Variants in TMC3 observed in about 807,000 individuals in gnomAD.
TMC3 encodes the protein transmembrane channel like 3.
In TMC3, 98 loss-of-function variants were observed where a neutral mutation model predicts 110.6. That is an observed-to-expected ratio of 0.89 (90% confidence interval 0.75 to 1.05). The LOEUF (loss-of-function observed/expected upper bound fraction) is 1.05, where lower values mean the gene tolerates loss of function less well. TMC3 is among the 50% of genes least tolerant of loss of function. The probability of loss-of-function intolerance (pLI) is 0.00; values close to 1 mark genes in which losing one functional copy is unlikely to be tolerated. For missense variants in TMC3, 1,319 were observed against 1,373.2 expected, an observed-to-expected ratio of 0.96 and a Z score of 0.62; for synonymous variants, 489 against 513.1, an observed-to-expected ratio of 0.95 and a Z score of 0.63.
chr15:81,372,456 CTT>C (rs1894458145), intron 2 of TMC3, 133 bp downstream of exon 2: 1 of 1,061,812 alleles, frequency 9.4e-7, no homozygotes, highest in Non-Finnish European at 1.4e-6. Flanking sequence ...ATCTTTGTGA[CTT>C]TGCTAATTCA....
rs201930890 is a variant in TMC3 at position 81,333,103 on chromosome 15, C to G, written c.2619G>C (p.Ser873=). Residue 873 remains serine (S), a synonymous_variant, in exon 22 of 22, where the codon TCG becomes TCC. Transcript: ENST00000359440. The part of the protein sequence containing the change: ...INPPHRGPQA[S]TLLAQGPRPH... ...GCCTGGGACCCTGTGCCAGCAAAGT[C>G]GAGGCCTGTGGTCCACGGTGAGGAG... The G allele has an allele frequency of 3.7e-6, 6 of 1,613,970 alleles. No individual in the cohort carries two copies. The Admixed American group carries it at 6.7e-5, about 18-fold the overall frequency.
chr15:81,337,661 G>C (rs1259449858), intron 19 of TMC3, 185 bp downstream of exon 19: 6 of 636,618 alleles, frequency 9.4e-6, no homozygotes, highest in Non-Finnish European at 1.7e-5. Flanking sequence ...GCAAAGGGGA[G>C]CCATCCCTGG....
Position 81,343,980 on chromosome 15 carries a change from G to T in TMC3, c.1584C>A (p.Phe528Leu), listed in dbSNP as rs755455324. Reference sequence around the variant, plus strand: ...AGTACCGCACGAAAAGTCCTCGGAAGAAGTCTATGAGCAGAATGCTCGCCA... The same window carrying T: ...AGTACCGCACGAAAAGTCCTCGGAATAAGTCTATGAGCAGAATGCTCGCCA... ...FTVASILLID[F>L]FRGLFVRYLS... is the part of the protein sequence containing the mutation. Residue 528 changes from phenylalanine to leucine, a missense_variant, in exon 14 of 22, where the codon TTC (phenylalanine) becomes TTA (leucine). Transcript: ENST00000359440. 6.2e-7 allele frequency: 1 copy of T among 1,613,398 alleles called. No individual in the cohort carries two copies. Among genetic ancestry groups the T allele is most frequent in the Non-Finnish European group, 8.5e-7 (1 of 1,179,568 alleles).
intron 10 of TMC3, among the ~76,000 whole-genome samples, chr15:81,350,774 T>C (rs1161453034): frequency 6.6e-6 from 1 of 152,218 alleles, no homozygotes; most frequent in African/African-American, 2.4e-5. Flanking sequence ...CAAATCTGTA[T>C]AGATAAATTG....
chr15:81,344,897 T>C lies in TMC3; in HGVS notation c.1387A>G (p.Arg463Gly). Reference protein sequence around the residue: ...WSTSRPGMGLRRNNTWALEET... With the variant: ...WSTSRPGMGLGRNNTWALEET... Reference sequence around the variant, plus strand: ...TCCAAGGCCCATGTGTTGTTTCTCCTGAGCCCCATTCCAGGCCGAGATGTG... The same window carrying C: ...TCCAAGGCCCATGTGTTGTTTCTCCCGAGCCCCATTCCAGGCCGAGATGTG... The change falls in exon 13 of 22, where the codon AGG becomes GGG. Residue 463 changes from arginine to glycine, a missense_variant. Arg to Gly is a moderately radical substitution (Grantham distance 125). Coordinates refer to ENST00000359440, the MANE Select transcript of TMC3 (RefSeq NM_001080532.3). 1 of 1,614,008 alleles carries C rather than the reference T, an allele frequency of 6.2e-7. No individual in the cohort carries two copies.
chr15:81,347,485 C>T lies in TMC3; in HGVS notation c.1194-1042G>A, dbSNP rs1311509831. ...AATTGAGACGGGATTCCCGTGGGCA[C>T]AGTGCATTTACAGTACTGAGTACAA... On this transcript the variant is annotated intron_variant, in intron 11 of 21. Coordinates refer to ENST00000359440, the MANE Select transcript of TMC3 (RefSeq NM_001080532.3). Among the ~76,000 whole-genome samples the T allele has an allele frequency of 1.3e-5, 2 of 152,168 alleles. 1 individual carries two copies. The highest frequency in any genetic ancestry group is 4.8e-5 in the African/African-American group (2 of 41,424).
At chr15:81,351,334 GTCTCTCTC>G (rs59510909) in intron 10 of TMC3, among the ~76,000 whole-genome samples, 5 of 140,888 alleles carry the variant, frequency 3.5e-5, no homozygotes, top group Admixed American at 7.2e-5. Context: ...ACTTTTCTGT[GTCTCTCTC>G]TCTCTCTTTT....
chr15:81,342,425 A>C (rs1200596781), intron 15 of TMC3, among the ~76,000 whole-genome samples: 1 of 152,228 alleles, frequency 6.6e-6, no homozygotes, highest in Non-Finnish European at 1.5e-5. Context: ...AAATAATAGC[A>C]GTTACTTCAT....
intron 11 of TMC3, among the ~76,000 whole-genome samples, chr15:81,348,840 T>C (rs935164845): frequency 6.6e-6 from 1 of 152,204 alleles, no homozygotes; most frequent in Non-Finnish European, 1.5e-5. Context: ...AGATGGAGTT[T>C]CGCTTTTGTT....
At chr15:81,363,465 A>G (rs1344572351) in intron 3 of TMC3, among the ~76,000 whole-genome samples, 2 of 152,222 alleles carry the variant, frequency 1.3e-5, no homozygotes, top group Non-Finnish European at 1.5e-5. Context: ...TGTAATTATG[A>G]CATTCTGAAC....
At chr15:81,373,909 G>T in intron 1 of TMC3, 80 bp downstream of exon 1, 3 of 1,316,016 alleles carry the variant, frequency 2.3e-6, no homozygotes, top group Non-Finnish European at 3.2e-6. Flanking sequence ...CAGGGACTTT[G>T]TCCCTCGCTC....
intron 3 of TMC3, 49 bp downstream of exon 3, chr15:81,368,204 A>T: frequency 7.1e-7 from 1 of 1,403,546 alleles, no homozygotes; most frequent in South Asian, 1.2e-5. Flanking sequence ...AAGCACTGGG[A>T]TTACAGGTGT....
In TMC3 at chr15:81,332,872, G is replaced by T. The variant is rs1393552604; in HGVS notation, c.2850C>A (p.Ser950Arg). ...QLSEEEEETP[S>R]RDWIKRSLPP... is the part of the protein sequence containing the mutation. ...GAAGAGACCGTTTGATCCAATCTCT[G>T]CTTGGCGTCTCCTCCTCTTCTTCAC... Residue 950 changes from serine to arginine, a missense_variant, in exon 22 of 22, where the codon AGC (serine) becomes AGA (arginine). By Grantham distance (110) the Ser-to-Arg change is moderately radical. Transcript: ENST00000359440. 1 of 1,613,270 alleles carries T rather than the reference G, an allele frequency of 6.2e-7. No homozygotes were observed. The highest frequency in any genetic ancestry group is 1.3e-5 in the African/African-American group (1 of 74,924).
At chr15:81,371,315 A>G (rs1452221792) in intron 2 of TMC3, among the ~76,000 whole-genome samples, 1 of 152,250 alleles carries the variant, frequency 6.6e-6, no homozygotes, top group Admixed American at 6.5e-5. Context: ...TCACCTGCAG[A>G]AGAGGCTGGT....
chr15:81,349,442 G>A lies in TMC3; in HGVS notation c.1193+16C>T, dbSNP rs1467478082. 7.6e-6 allele frequency: 11 copies of A among 1,445,308 alleles called. No individual in the cohort carries two copies. The highest frequency in any genetic ancestry group is 9.1e-6 in the Non-Finnish European group (10 of 1,093,388). The allele number at this position is 1,445,308 out of a possible 1,614,324, so 89.5% of individuals were successfully genotyped here. A position where few individuals can be genotyped will look rare whatever the true frequency, so the allele number is the denominator to read the frequency against. On this transcript the variant is annotated intron_variant, in intron 11 of 21. Transcript: ENST00000359440. ...GGGTGAGCCACAGGTGGCATTTCTG[G>A]GCAGGACTGTTGTACCTTGCAAGCT... is the stretch of plus-strand genomic sequence containing the variant.
At chr15:81,369,301 A>G (rs967668881) in intron 2 of TMC3, among the ~76,000 whole-genome samples, 3 of 151,928 alleles carry the variant, frequency 2.0e-5, no homozygotes, top group African/African-American at 7.3e-5. Flanking sequence ...CCAAAACGTT[A>G]CCTAACCAGA....
At chr15:81,369,273 A>G (rs1296923649) in intron 2 of TMC3, among the ~76,000 whole-genome samples, 1 of 152,106 alleles carries the variant, frequency 6.6e-6, no homozygotes, top group African/African-American at 2.4e-5. Flanking sequence ...TCCTTTATCC[A>G]CAGACAGGAT....
intron 3 of TMC3, 117 bp from the exon 4 acceptor site, chr15:81,362,418 A>G (rs1894209163): frequency 1.4e-6 from 1 of 698,686 alleles, no homozygotes; most frequent in Non-Finnish European, 2.4e-6. Flanking sequence ...TTTAATTATG[A>G]TTATGGCTTC....
chr15:81,373,985 T>C lies in TMC3; in HGVS notation c.89+4A>G. The C allele has an allele frequency of 6.2e-7, 1 of 1,613,104 alleles. No individual in the cohort carries two copies. Among genetic ancestry groups the C allele is most frequent in the Non-Finnish European group, 8.5e-7 (1 of 1,179,586 alleles). ...TGCCCAGCTGATGAATGGGGCCAGC[T>C]CACCTGAGCAGCAGAGATTCCTGGT... On this transcript the variant is annotated splice_donor_region_variant and intron_variant, in intron 1 of 21. Coordinates refer to ENST00000359440, the MANE Select transcript of TMC3 (RefSeq NM_001080532.3).
Sources: allele counts gnomAD v4.1 joint callset (sites outside exome capture counted in the v4.1 genomes callset), GRCh38; gene constraint gnomAD v4.1.1; transcripts MANE v1.5; gene names NCBI Gene and HGNC (gene_info 2026-07-23, HGNC 2026-07-21).